The following TAOK3 variants were observed in gnomAD, a reference collection of about 807,000 sequenced individuals.
TAOK3 encodes serine/threonine-protein kinase TAO3.
A neutral mutation model predicts 120.4 loss-of-function variants in TAOK3; 40 were observed. The observed-to-expected ratio is 0.33, with a 90% CI of 0.26 to 0.43. The LOEUF is 0.43. TAOK3 is among the 20% of genes least tolerant of loss of function. The probability of loss-of-function intolerance (pLI) is 1.00; values close to 1 mark genes in which losing one functional copy is unlikely to be tolerated. For missense variants in TAOK3, 821 were observed against 1,112.1 expected, an observed-to-expected ratio of 0.74 and a Z score of 3.72; for synonymous variants, 355 against 387.5, an observed-to-expected ratio of 0.92 and a Z score of 0.99.
At chr12:118,312,886 G>GA (rs896449595) in intron 1 of TAOK3, among the ~76,000 whole-genome samples, 12 of 152,138 alleles carry the variant, frequency 7.9e-5, no homozygotes, top group African/African-American at 2.7e-4. Flanking sequence ...AGACTGTGGA[G>GA]AAAAAAATAA....
chr12:118,257,728 A>AC (rs367590529), intron 2 of TAOK3, among the ~76,000 whole-genome samples: 1 of 152,210 alleles, frequency 6.6e-6, no homozygotes, highest in African/African-American at 2.4e-5. Context: ...TTTTCTTGAG[A>AC]CATAGCCATA....
At chr12:118,355,417 T>G (rs941025498) in intron 1 of TAOK3, among the ~76,000 whole-genome samples, 1 of 152,194 alleles carries the variant, frequency 6.6e-6, no homozygotes, top group Non-Finnish European at 1.5e-5. Context: ...ATGATCTCAA[T>G]TGAAACAAAA....
At chr12:118,342,805 G>A (rs150422600) in intron 1 of TAOK3, among the ~76,000 whole-genome samples, 9 of 151,890 alleles carry the variant, frequency 5.9e-5, no homozygotes, top group African/African-American at 2.2e-4. Flanking sequence ...AAGGTAGCAG[G>A]TGCCTGTAGT....
intron 17 of TAOK3, among the ~76,000 whole-genome samples, chr12:118,166,265 G>A (rs996561394): frequency 2.0e-5 from 3 of 152,010 alleles, no homozygotes; most frequent in African/African-American, 4.8e-5. Context: ...GAGGCCAGAC[G>A]CGGTGGCTCA....
chr12:118,169,860 AC>A (rs1048837446), intron 17 of TAOK3, among the ~76,000 whole-genome samples: 1 of 151,888 alleles, frequency 6.6e-6, no homozygotes, highest in African/African-American at 2.4e-5. Context: ...AGCTGGGACT[AC>A]AGATGCCTGC....
At chr12:118,240,858 TA>T (rs2040220581) in intron 5 of TAOK3, among the ~76,000 whole-genome samples, 1 of 151,902 alleles carries the variant, frequency 6.6e-6, no homozygotes, top group South Asian at 2.1e-4. Context: ...TTCCTTTCAT[TA>T]AAAAAATTAA....
At chr12:118,235,740 C>T in intron 7 of TAOK3, 69 bp from the exon 8 acceptor site, 3 of 949,830 alleles carry the variant, frequency 3.2e-6, no homozygotes, top group African/African-American at 1.7e-5. Flanking sequence ...TCAGAGCATG[C>T]AATTAATAAG....
At chr12:118,214,906 C>G (rs183111155) in intron 9 of TAOK3, among the ~76,000 whole-genome samples, 1 of 151,878 alleles carries the variant, frequency 6.6e-6, no homozygotes, top group Non-Finnish European at 1.5e-5. Flanking sequence ...CCACCATGCC[C>G]GGCTAATTTT....
intron 1 of TAOK3, among the ~76,000 whole-genome samples, chr12:118,307,164 A>C (rs2043079251): frequency 6.6e-6 from 1 of 152,138 alleles, no homozygotes; most frequent in African/African-American, 2.4e-5. Flanking sequence ...TGCAAGAAGC[A>C]ATGAGGTTTT....
intron 1 of TAOK3, among the ~76,000 whole-genome samples, chr12:118,309,285 G>C (rs1326076664): frequency 1.3e-5 from 2 of 149,120 alleles, no homozygotes; most frequent in African/African-American, 5.0e-5. Flanking sequence ...GCCGAGCTCG[G>C]GCCACTGCAT....
chr12:118,342,963 G>GAA (rs2044688002), intron 1 of TAOK3, among the ~76,000 whole-genome samples: 1 of 146,410 alleles, frequency 6.8e-6, no homozygotes. Flanking sequence ...AAAAAAGAGA[G>GAA]AGAGAGAGAG....
rs1302367725 is a variant in TAOK3 at position 118,150,479 on chromosome 12, TG to T, written c.*517del. 1 of 152,486 alleles carries T rather than the reference TG, an allele frequency of 6.6e-6. No individual in the cohort carries two copies. Among genetic ancestry groups the T allele is most frequent in the Admixed American group, 6.6e-5 (1 of 15,260 alleles). The allele number at this position is 152,486 out of a possible 1,614,324, so 9.4% of individuals were successfully genotyped here. On this transcript the variant is annotated 3_prime_UTR_variant, in exon 21 of 21. Transcript: ENST00000392533. ...AAATTTTCAATCTTTAATAAAACTT[TG>T]TTTTTTTTATTCCTGATGAATAAAT...
In TAOK3 at chr12:118,335,140, C is replaced by T. The variant is rs549358500; in HGVS notation, c.-194+37508G>A. Among the ~76,000 whole-genome samples the T allele has an allele frequency of 4.0e-5, 6 of 150,256 alleles. No homozygotes were observed. In the South Asian group the frequency reaches 1.3e-3, roughly 32 times the overall value. On this transcript the variant is annotated intron_variant, in intron 1 of 20. Coordinates refer to ENST00000392533, the MANE Select transcript of TAOK3 (RefSeq NM_016281.4). The stretch of plus-strand genomic sequence containing the variant: ...TGGAGGTTTCAGTGAGCCAAGGTTG[C>T]GCCATCCCACTTCAGCCTGGGCAAC...
chr12:118,236,215 A>G (rs1189777518), intron 7 of TAOK3: 1 of 153,024 alleles, frequency 6.5e-6, no homozygotes. Context: ...TGTAACTGCA[A>G]CTCTAAGGCA....
chr12:118,275,207 C>T (rs1226830751), intron 1 of TAOK3, among the ~76,000 whole-genome samples: 1 of 152,128 alleles, frequency 6.6e-6, no homozygotes, highest in Non-Finnish European at 1.5e-5. Context: ...GGTGTGATCA[C>T]AGTTCACTGT....
chr12:118,358,779 C>T lies in TAOK3; in HGVS notation c.-194+13869G>A, dbSNP rs542797334. 14 of 152,254 alleles carry T rather than the reference C, an allele frequency of 9.2e-5. No individual in the cohort carries two copies. The East Asian group carries it at 2.7e-3, about 29-fold the overall frequency. 9.4% of individuals were successfully genotyped at this position (152,254 alleles called of 1,614,324 possible). ...CCAATGACTTTTGAGGTTGATTACT[C>T]TCAGCTGGACTTTGAGCTAAGGCCA... On this transcript the variant is annotated intron_variant, in intron 1 of 20. Transcript: ENST00000392533.
chr12:118,360,287 G>A (rs1214953518), intron 1 of TAOK3, among the ~76,000 whole-genome samples: 1 of 149,928 alleles, frequency 6.7e-6, no homozygotes, highest in Non-Finnish European at 1.5e-5. Flanking sequence ...AAAAAGTATG[G>A]CCGGGCACGG....
At position 118,283,726 on chromosome 12, in the gene TAOK3, C is replaced by CAACAA. The variant is rs1184077076; in HGVS notation, c.-193-16972_-193-16968dup. On this transcript the variant is annotated intron_variant, in intron 1 of 20. Transcript: ENST00000392533. Reference sequence around the variant, plus strand: ...GCCTGGTGACAGAGCAAGACTTCATCAACAAAACAAAACAAAACAACAACA... The same window carrying CAACAA: ...GCCTGGTGACAGAGCAAGACTTCATCAACAAAACAAAACAAAACAAAACAACAACA... The CAACAA allele has an allele frequency of 1.5e-4, 31 of 201,998 alleles. 1 individual carries two copies. Among genetic ancestry groups the CAACAA allele is most frequent in the East Asian group, 3.1e-4 (2 of 6,470 alleles). 12.5% of individuals were successfully genotyped at this position (201,998 alleles called of 1,614,324 possible). A position where few individuals can be genotyped will look rare whatever the true frequency, so the allele number is the denominator to read the frequency against.
intron 1 of TAOK3, among the ~76,000 whole-genome samples, chr12:118,352,124 G>A (rs565175226): frequency 6.7e-4 from 101 of 150,916 alleles, no homozygotes; most frequent in African/African-American, 2.1e-3. Context: ...CGCCCACCTC[G>A]GCCTCCCAAA....
Sources: gnomAD v4.1 joint callset for allele counts (sites outside exome capture counted in the v4.1 genomes callset) on GRCh38, gnomAD v4.1.1 for gene constraint, MANE v1.5 for transcripts, NCBI Gene and HGNC (gene_info 2026-07-23, HGNC 2026-07-21) for gene names.